Variants in FSHR observed in about 807,000 individuals in gnomAD.
FSHR encodes follicle stimulating hormone receptor.
Under a neutral mutation model 52.1 loss-of-function variants are expected in FSHR, and 46 were observed. The observed-to-expected ratio is 0.88, with a 90% confidence interval of 0.70 to 1.13. The LOEUF (loss-of-function observed/expected upper bound fraction) is 1.13, where lower values mean the gene tolerates loss of function less well. Among genes scored for constraint, FSHR ranks in the 50% most tolerant of loss-of-function variants. The pLI, the probability that FSHR is intolerant of heterozygous loss-of-function variation, is 0.00. For missense variants in FSHR, 964 were observed against 834.6 expected, an observed-to-expected ratio of 1.16 and a Z score of -1.91; for synonymous variants, 399 against 309.6, an observed-to-expected ratio of 1.29 and a Z score of -3.03.
At chr2:49,150,540 A>G (rs985368516) in intron 1 of FSHR, among the ~76,000 whole-genome samples, 1 of 152,114 alleles carries the variant, frequency 6.6e-6, no homozygotes, top group Non-Finnish European at 1.5e-5. Context: ...TAATCCTCAT[A>G]GCATCTCTGT....
At chr2:49,100,957 G>A (rs533592120) in intron 1 of FSHR, among the ~76,000 whole-genome samples, 15 of 152,250 alleles carry the variant, frequency 9.9e-5, no homozygotes, top group South Asian at 6.2e-4. Flanking sequence ...AGAAATCAAA[G>A]GAAGTAGAGA....
In FSHR at chr2:48,989,068, C is replaced by G; in HGVS notation, c.447-14G>C. ...TCTTGAATGTCACTAGAAGAAAGTACAGACAAATAAGATACTTACATCAGC... is the reference window on the plus strand; with the variant it reads ...TCTTGAATGTCACTAGAAGAAAGTAGAGACAAATAAGATACTTACATCAGC... On this transcript the variant is annotated splice_polypyrimidine_tract_variant and intron_variant, in intron 5 of 9. Transcript: ENST00000406846. The G allele has an allele frequency of 6.2e-7, 1 of 1,603,800 alleles. No individual in the cohort carries two copies.
intron 1 of FSHR, among the ~76,000 whole-genome samples, chr2:49,088,735 T>C (rs987064459): frequency 9.2e-5 from 14 of 152,148 alleles, no homozygotes; most frequent in African/African-American, 1.4e-4. Flanking sequence ...TGCTTAGATA[T>C]AGGAGGATTA....
chr2:49,026,369 A>C (rs143831111), intron 2 of FSHR, among the ~76,000 whole-genome samples: 10 of 152,318 alleles, frequency 6.6e-5, no homozygotes, highest in African/African-American at 2.4e-4. Flanking sequence ...AACGTTTATT[A>C]AGCACTTACG....
At chr2:49,040,418 C>T (rs1668441043) in intron 2 of FSHR, among the ~76,000 whole-genome samples, 1 of 152,008 alleles carries the variant, frequency 6.6e-6, no homozygotes, top group African/African-American at 2.4e-5. Context: ...ATATAAGTTA[C>T]TCAATTTTTT....
intron 1 of FSHR, among the ~76,000 whole-genome samples, chr2:49,095,238 C>G (rs1013236260): frequency 6.6e-6 from 1 of 152,066 alleles, no homozygotes; most frequent in Non-Finnish European, 1.5e-5. Flanking sequence ...CACTACAGAG[C>G]TACAGTAATA....
intron 1 of FSHR, among the ~76,000 whole-genome samples, chr2:49,069,473 A>G (rs543155517): frequency 6.6e-6 from 1 of 152,192 alleles, no homozygotes; most frequent in East Asian, 1.9e-4. Flanking sequence ...ATTTTTCTTC[A>G]TAGCAATTCT....
intron 1 of FSHR, among the ~76,000 whole-genome samples, chr2:49,115,111 A>G (rs376719039): frequency 2.7e-5 from 4 of 148,624 alleles, no homozygotes; most frequent in African/African-American, 1.0e-4. Context: ...GTATGTGGAG[A>G]AAACCTGGCA....
At chr2:49,133,352 G>C (rs1282694290) in intron 1 of FSHR, among the ~76,000 whole-genome samples, 3 of 152,074 alleles carry the variant, frequency 2.0e-5, no homozygotes, top group Non-Finnish European at 4.4e-5. Context: ...CATGTCAGGA[G>C]AGTGAAGTTA....
chr2:48,993,772 CT>C (rs1162595431), intron 4 of FSHR, among the ~76,000 whole-genome samples: 1 of 152,160 alleles, frequency 6.6e-6, no homozygotes, highest in African/African-American at 2.4e-5. Context: ...GTATTAAGTT[CT>C]TTCCTTTCTC....
chr2:49,036,723 G>C (rs545207879), intron 2 of FSHR, among the ~76,000 whole-genome samples: 1 of 152,080 alleles, frequency 6.6e-6, no homozygotes, highest in Non-Finnish European at 1.5e-5. Context: ...TAATTTATTG[G>C]TTACCTCTCT....
At position 48,977,596 on chromosome 2, in the gene FSHR, T is replaced by C. The variant is rs6752625; in HGVS notation, c.668+5316A>G. 5.8e-3 allele frequency among the ~76,000 whole-genome samples: 882 copies of C among 152,240 alleles called. 7 individuals are homozygous for C. The highest frequency in any genetic ancestry group is 0.02 in the African/African-American group (823 of 41,532). ...CATTGTGTGACATGATGACAAGGGT[T>C]TATTAGGCATCTGCTGTATATTACT... is the stretch of plus-strand genomic sequence containing the variant. On this transcript the variant is annotated intron_variant, in intron 8 of 9. Transcript: ENST00000406846.
chr2:49,103,459 C>T (rs944033909), intron 1 of FSHR, among the ~76,000 whole-genome samples: 1 of 152,114 alleles, frequency 6.6e-6, no homozygotes, highest in South Asian at 2.1e-4. Context: ...TGTCTTCTTC[C>T]AAGCCAAGAA....
chr2:49,103,254 C>G (rs530433620), intron 1 of FSHR, among the ~76,000 whole-genome samples: 1 of 152,210 alleles, frequency 6.6e-6, no homozygotes, highest in Non-Finnish European at 1.5e-5. Flanking sequence ...GGGACTGATA[C>G]AGAAATGCTG....
chr2:49,020,460 C>T (rs1667646984), intron 2 of FSHR, among the ~76,000 whole-genome samples: 1 of 151,680 alleles, frequency 6.6e-6, no homozygotes, highest in African/African-American at 2.4e-5. Context: ...AGGGAATATA[C>T]AGGATGAGAA....
intron 4 of FSHR, among the ~76,000 whole-genome samples, chr2:49,007,733 A>G (rs1667120511): frequency 6.6e-6 from 1 of 152,150 alleles, no homozygotes; most frequent in Non-Finnish European, 1.5e-5. Context: ...AAGAGACCCC[A>G]TCACTACTGT....
chr2:49,008,597 G>A (rs557715471), intron 4 of FSHR, among the ~76,000 whole-genome samples: 7 of 148,062 alleles, frequency 4.7e-5, no homozygotes, highest in East Asian at 4.0e-4. Context: ...CTGAGGAATC[G>A]CCACACTGAC....
At chr2:49,050,923 AT>A (rs1668833333) in intron 2 of FSHR, among the ~76,000 whole-genome samples, 1 of 152,094 alleles carries the variant, frequency 6.6e-6, no homozygotes, top group Non-Finnish European at 1.5e-5. Flanking sequence ...CAGGCAACTA[AT>A]CTTTCTGTTA....
intron 7 of FSHR, 38 bp downstream of exon 7, chr2:48,983,060 C>T: frequency 6.2e-7 from 1 of 1,606,524 alleles, no homozygotes; most frequent in Non-Finnish European, 8.5e-7. Context: ...GAGCCATTTC[C>T]CTTTAAATGG....
Sources: gnomAD v4.1 joint callset for allele counts (sites outside exome capture counted in the v4.1 genomes callset) on GRCh38, gnomAD v4.1.1 for gene constraint, MANE v1.5 for transcripts, NCBI Gene and HGNC (gene_info 2026-07-23, HGNC 2026-07-21) for gene names.